The following CCDC3 variants were observed in gnomAD, a reference collection of about 807,000 sequenced individuals.
CCDC3 encodes the protein coiled-coil domain-containing protein 3.
A neutral mutation model predicts 21.4 loss-of-function variants in CCDC3; 24 were observed. That is an observed-to-expected ratio of 1.12 (90% CI 0.81 to 1.58). The LOEUF (loss-of-function observed/expected upper bound fraction) is 1.58, where lower values mean the gene tolerates loss of function less well. Among genes scored for constraint, CCDC3 ranks in the 40% most tolerant of loss-of-function variants. The pLI is 0.00. For synonymous variants in CCDC3, 186 were observed against 166.0 expected (o/e 1.12, Z -0.93); for missense variants, 425 against 360.9 (o/e 1.18, Z -1.44).
rs1835211670 is a variant in CCDC3, at chr10:12,963,536, A to ATTCCTGCC, written c.549+34794_549+34801dup. Reference sequence around the variant, plus strand: ...TAGGGGTTATTATGTATGTTGCCTAATTCCTGCCTTCCTTCCTATTGAACT... The same window carrying ATTCCTGCC: ...TAGGGGTTATTATGTATGTTGCCTAATTCCTGCCTTCCTGCCTTCCTTCCTATTGAACT... On this transcript the variant is annotated intron_variant, in intron 2 of 2. Coordinates refer to ENST00000378825, the MANE Select transcript of CCDC3 (RefSeq NM_031455.4). Among the ~76,000 whole-genome samples, 6 of 149,524 alleles carry ATTCCTGCC rather than the reference A, an allele frequency of 4.0e-5. No homozygotes were observed. In the South Asian group the frequency reaches 1.1e-3, roughly 26 times the overall value.
intron 3 of CCDC3, among the ~76,000 whole-genome samples, chr10:13,087,450 G>T (rs1477165477): frequency 6.6e-6 from 1 of 151,010 alleles, no homozygotes; most frequent in East Asian, 1.9e-4. Context: ...GACGATATCT[G>T]GCCCACCCTC....
intron 5 of CCDC3, among the ~76,000 whole-genome samples, chr10:13,046,078 G>A (rs1836522771): frequency 6.6e-6 from 1 of 151,714 alleles, no homozygotes; most frequent in Non-Finnish European, 1.5e-5. Context: ...GTGACAGAGT[G>A]AGACTCCATC....
At chr10:12,907,726 G>A (rs187410213) in intron 2 of CCDC3, among the ~76,000 whole-genome samples, 1 of 152,284 alleles carries the variant, frequency 6.6e-6, no homozygotes, top group East Asian at 1.9e-4. Context: ...CCTGAACTTG[G>A]TGCCTTTTCC....
At chr10:13,026,130 G>A (rs957493490) in intron 5 of CCDC3, among the ~76,000 whole-genome samples, 2 of 151,186 alleles carry the variant, frequency 1.3e-5, no homozygotes, top group African/African-American at 2.4e-5. Flanking sequence ...GCAGTGAGCC[G>A]AGATCACACA....
intron 2 of CCDC3, among the ~76,000 whole-genome samples, chr10:12,946,163 TAAC>T (rs1376550301): frequency 3.3e-5 from 5 of 152,156 alleles, no homozygotes; most frequent in African/African-American, 1.2e-4. Flanking sequence ...AAAGGGAACA[TAAC>T]AAGTCATTCA....
intron 2 of CCDC3, among the ~76,000 whole-genome samples, chr10:12,953,065 A>G (rs1835031474): frequency 6.7e-6 from 1 of 149,424 alleles, no homozygotes; most frequent in African/African-American, 2.4e-5. Context: ...ATAAAGACGT[A>G]CCCGAGACTG....
chr10:13,087,600 A>G (rs1837127432), intron 3 of CCDC3, among the ~76,000 whole-genome samples: 1 of 151,998 alleles, frequency 6.6e-6, no homozygotes, highest in Admixed American at 6.6e-5. Flanking sequence ...CAGAAGGGCT[A>G]TGGAAGTCTG....
chr10:13,060,769 G>A (rs1251011716), intron 4 of CCDC3, among the ~76,000 whole-genome samples: 2 of 152,174 alleles, frequency 1.3e-5, no homozygotes, highest in African/African-American at 4.8e-5. Flanking sequence ...GCCTCCCAAA[G>A]TGCTAGGATT....
intron 2 of CCDC3, among the ~76,000 whole-genome samples, chr10:12,948,125 T>C (rs963889729): frequency 7.2e-5 from 11 of 152,094 alleles, no homozygotes; most frequent in African/African-American, 2.7e-4. Flanking sequence ...TTCCATGCTG[T>C]TCTCATTATA....
intron 4 of CCDC3, among the ~76,000 whole-genome samples, chr10:13,069,031 G>A (rs1367471805): frequency 1.3e-5 from 2 of 152,198 alleles, no homozygotes; most frequent in Admixed American, 6.5e-5. Flanking sequence ...CAAGGCAGGC[G>A]GATCACCTGA....
intron 2 of CCDC3, among the ~76,000 whole-genome samples, chr10:12,909,325 C>G (rs1035349766): frequency 6.6e-6 from 1 of 152,172 alleles, no homozygotes; most frequent in Non-Finnish European, 1.5e-5. Context: ...CCGTGGCATC[C>G]CAGGCTGCAG....
chr10:12,998,212 G>A, intron 2 of CCDC3, 126 bp downstream of exon 2: 1 of 941,376 alleles, frequency 1.1e-6, no homozygotes, highest in Non-Finnish European at 1.6e-6. Context: ...GAGAGAGAGG[G>A]CATACGCTAA....
In CCDC3 at chr10:12,998,419, G is replaced by T. The variant is rs1218862650; in HGVS notation, c.468C>A (p.Ser156Arg). The change falls in exon 2 of 3, where the codon AGC (serine) becomes AGA (arginine). Residue 156 changes from serine (S) to arginine (R), a missense_variant. By Grantham distance (110) the Ser-to-Arg change is moderately radical. Transcript: ENST00000378825. ...GCGAACAGTTTGAAAACTGGAAAAG[G>T]CTAGAAAACATCCTTCTGTTCTCTT... is the stretch of plus-strand genomic sequence containing the variant. ...DTQENRRMFSSLFQFSNCSQG... is the reference protein window; with the variant it reads ...DTQENRRMFSRLFQFSNCSQG... The T allele has an allele frequency of 6.2e-7, 1 of 1,614,192 alleles. No individual in the cohort carries two copies. The highest frequency in any genetic ancestry group is 2.2e-5 in the East Asian group (1 of 44,892).
intron 5 of CCDC3, among the ~76,000 whole-genome samples, chr10:13,041,886 C>A (rs967027403): frequency 6.6e-6 from 1 of 151,930 alleles, no homozygotes; most frequent in Non-Finnish European, 1.5e-5. Context: ...CTCAACCTAC[C>A]AAAGTGCTGG....
At chr10:13,022,188 C>T (rs1373575700) in intron 5 of CCDC3, among the ~76,000 whole-genome samples, 4 of 152,162 alleles carry the variant, frequency 2.6e-5, no homozygotes, top group Non-Finnish European at 5.9e-5. Flanking sequence ...CAGACGTCCT[C>T]CTCTCTTCAA....
At chr10:13,067,330 T>C (rs766513715) in intron 4 of CCDC3, among the ~76,000 whole-genome samples, 1 of 152,198 alleles carries the variant, frequency 6.6e-6, no homozygotes, top group Admixed American at 6.5e-5. Context: ...TTTCCAACCC[T>C]GCATTTTAAA....
chr10:12,925,921 A>G (rs546050193), intron 2 of CCDC3, among the ~76,000 whole-genome samples: 5 of 152,396 alleles, frequency 3.3e-5, no homozygotes, highest in African/African-American at 1.2e-4. Flanking sequence ...CAGGCAGAAC[A>G]AAAGCTGGGG....
chr10:12,923,440 C>A (rs556397880), intron 2 of CCDC3, among the ~76,000 whole-genome samples: 8 of 152,188 alleles, frequency 5.3e-5, no homozygotes, highest in Non-Finnish European at 1.0e-4. Flanking sequence ...GCCCTTTCCA[C>A]CGGCTTAAGT....
At chr10:12,941,131 G>C (rs1440307682) in intron 2 of CCDC3, among the ~76,000 whole-genome samples, 1 of 152,190 alleles carries the variant, frequency 6.6e-6, no homozygotes, top group Non-Finnish European at 1.5e-5. Flanking sequence ...TGATAAAACA[G>C]GTTGCAGTAA....
Sources: allele counts gnomAD v4.1 joint callset (sites outside exome capture counted in the v4.1 genomes callset), GRCh38; gene constraint gnomAD v4.1.1; transcripts MANE v1.5; gene names NCBI Gene and HGNC (gene_info 2026-07-23, HGNC 2026-07-21).